The following FAM120B variants were observed in gnomAD, a reference collection of about 807,000 sequenced individuals.
FAM120B encodes family with sequence similarity 120 member B.
In FAM120B, 83 loss-of-function variants were observed where a neutral mutation model predicts 96.3. That is an observed-to-expected ratio of 0.86 (90% CI 0.72 to 1.03). FAM120B has a LOEUF of 1.03. Among genes scored for constraint, FAM120B ranks in the 50% least tolerant of loss-of-function variants. The probability of loss-of-function intolerance (pLI) is 0.00; values close to 1 mark genes in which losing one functional copy is unlikely to be tolerated. For missense variants in FAM120B, 1,027 were observed against 1,121.2 expected, an observed-to-expected ratio of 0.92 and a Z score of 1.20; for synonymous variants, 407 against 402.7, an observed-to-expected ratio of 1.01 and a Z score of -0.13.
chr6:170,386,809 T>C (rs1790214429), intron 6 of FAM120B, among the ~76,000 whole-genome samples: 1 of 152,222 alleles, frequency 6.6e-6, no homozygotes, highest in Non-Finnish European at 1.5e-5. Context: ...AATAGAAATT[T>C]AGGCCATTCT....
chr6:170,361,224 A>ATT (rs1788403881), intron 6 of FAM120B, among the ~76,000 whole-genome samples: 1 of 115,078 alleles, frequency 8.7e-6, no homozygotes, highest in African/African-American at 3.0e-5. Flanking sequence ...ATATATATAT[A>ATT]TATATATATA....
intron 1 of FAM120B, among the ~76,000 whole-genome samples, chr6:170,312,162 G>A (rs1272657703): frequency 2.0e-5 from 3 of 152,072 alleles, no homozygotes; most frequent in Admixed American, 6.6e-5. Flanking sequence ...TAGAAGCAGT[G>A]AATAGTAGAA....
chr6:170,361,182 CTATATATATATACGTGTATA>C (rs1345205013), intron 6 of FAM120B, among the ~76,000 whole-genome samples: 13 of 75,520 alleles, frequency 1.7e-4, no homozygotes, highest in Non-Finnish European at 7.2e-5. Flanking sequence ...AGCCTTAAAA[CTATATATATATACGTGTATA>C]TATATATATA....
At chr6:170,381,919 A>C (rs1476766812) in intron 6 of FAM120B, among the ~76,000 whole-genome samples, 1 of 152,196 alleles carries the variant, frequency 6.6e-6, no homozygotes, top group Non-Finnish European at 1.5e-5. Flanking sequence ...GTAAAAGACT[A>C]ATTGCTTTTC....
intron 5 of FAM120B, among the ~76,000 whole-genome samples, chr6:170,351,541 A>G (rs1787582060): frequency 6.6e-6 from 1 of 152,224 alleles, no homozygotes; most frequent in African/African-American, 2.4e-5. Context: ...AAGGGCAGCC[A>G]GAGAGAAAGG....
chr6:170,398,379 C>A (rs906850912), intron 9 of FAM120B, among the ~76,000 whole-genome samples: 2 of 151,330 alleles, frequency 1.3e-5, no homozygotes, highest in Non-Finnish European at 2.9e-5. Context: ...TATGTCATAA[C>A]TCTTAGGAGT....
At chr6:170,327,659 T>C (rs1785689583) in intron 3 of FAM120B, among the ~76,000 whole-genome samples, 1 of 142,164 alleles carries the variant, frequency 7.0e-6, no homozygotes, top group African/African-American at 2.8e-5. Context: ...CATGAGTGAG[T>C]GGAGAGTGAG....
chr6:170,305,193 C>T (rs778596496), upstream of FAM120B, among the ~76,000 whole-genome samples: 11 of 152,146 alleles, frequency 7.2e-5, no homozygotes, highest in Non-Finnish European at 1.5e-4. Flanking sequence ...AGAAACATTA[C>T]AACCCTTACT....
chr6:170,374,466 T>C (rs1354099489), intron 6 of FAM120B, among the ~76,000 whole-genome samples: 1 of 152,222 alleles, frequency 6.6e-6, no homozygotes, highest in African/African-American at 2.4e-5. Flanking sequence ...TCATTGCTTC[T>C]TGATGCTCTT....
At chr6:170,401,989 A>G (rs1248425149) in intron 9 of FAM120B, among the ~76,000 whole-genome samples, 1 of 152,190 alleles carries the variant, frequency 6.6e-6, no homozygotes, top group African/African-American at 2.4e-5. Flanking sequence ...TTCCCCGAAC[A>G]TGCCATCCTC....
chr6:170,362,684 C>CTTTTTTTTTTTTTTTTTT (rs759098041), intron 6 of FAM120B, among the ~76,000 whole-genome samples: 1 of 139,820 alleles, frequency 7.2e-6, no homozygotes, highest in African/African-American at 2.6e-5. Context: ...TTTCTTTTTT[C>CTTTTTTTTTTTTTTTTTT]TTTTTTTTTT....
intron 1 of FAM120B, among the ~76,000 whole-genome samples, chr6:170,310,252 A>G (rs1313797485): frequency 6.6e-6 from 1 of 152,250 alleles, no homozygotes; most frequent in Non-Finnish European, 1.5e-5. Flanking sequence ...TGGGTAGGAA[A>G]GGCCAAGGGC....
At chr6:170,329,988 T>C (rs1054427067) in intron 3 of FAM120B, among the ~76,000 whole-genome samples, 2 of 152,142 alleles carry the variant, frequency 1.3e-5, no homozygotes, top group African/African-American at 4.8e-5. Context: ...CCTTCCCCCT[T>C]AAGCACCTGT....
chr6:170,298,523 T>C (rs2281410), intron 1 of FAM120B: 1 of 151,746 alleles, frequency 6.6e-6, no homozygotes, highest in Non-Finnish European at 1.5e-5. Context: ...ATTTTCTTTT[T>C]TTTTTTTTTT....
chr6:170,341,645 C>A (rs1267973649), intron 4 of FAM120B, among the ~76,000 whole-genome samples: 1 of 152,206 alleles, frequency 6.6e-6, no homozygotes, highest in African/African-American at 2.4e-5. Context: ...AGGGAATCTT[C>A]TGATCTGCGG....
upstream of FAM120B, among the ~76,000 whole-genome samples, chr6:170,306,116 A>C (rs1784270917): frequency 6.6e-6 from 1 of 152,134 alleles, no homozygotes; most frequent in African/African-American, 2.4e-5. Context: ...GCCTGAAACA[A>C]CTTTCAGCTG....
At chr6:170,322,761 C>G (rs1274678909) in intron 2 of FAM120B, among the ~76,000 whole-genome samples, 2 of 152,042 alleles carry the variant, frequency 1.3e-5, no homozygotes, top group Non-Finnish European at 2.9e-5. Context: ...GGGATTAAGA[C>G]CCTTTCATAG....
rs1350956137 is a variant in FAM120B, at chr6:170,314,911, A to G, written c.-21-2459A>G. Among the ~76,000 whole-genome samples the G allele has an allele frequency of 3.3e-5, 5 of 152,330 alleles. No homozygotes were observed. The East Asian group carries it at 7.7e-4, about 23-fold the overall frequency. ...ACATTGTAATGTCACACTCTAACTC[A>G]TGATTCAAACTGTGAGAAATTGGTC... On this transcript the variant is annotated intron_variant, in intron 1 of 10. Transcript: ENST00000476287.
At chr6:170,366,007 G>T (rs1259653141) in intron 6 of FAM120B, among the ~76,000 whole-genome samples, 2 of 152,182 alleles carry the variant, frequency 1.3e-5, no homozygotes, top group African/African-American at 4.8e-5. Context: ...ACAGCAGTGA[G>T]CTGTTTCTTG....
Sources: allele counts gnomAD v4.1 joint callset (sites outside exome capture counted in the v4.1 genomes callset), GRCh38; gene constraint gnomAD v4.1.1; transcripts MANE v1.5; gene names NCBI Gene and HGNC (gene_info 2026-07-23, HGNC 2026-07-21).